Variants in SLC40A1 observed in about 807,000 individuals in gnomAD.
The protein encoded by SLC40A1 is solute carrier family 40 member 1.
Under a neutral mutation model 53.5 loss-of-function variants are expected in SLC40A1, and 16 were observed. The ratio of observed to expected loss-of-function variants is 0.30; its 90% CI spans 0.20 to 0.45. SLC40A1 has a LOEUF of 0.45. Among genes scored for constraint, SLC40A1 ranks in the 20% least tolerant of loss-of-function variants. The pLI is 1.00. For synonymous variants in SLC40A1, 247 were observed against 253.2 expected (o/e 0.98, Z 0.23); for missense variants, 545 against 695.4 (o/e 0.78, Z 2.43).
intron 1 of SLC40A1, among the ~76,000 whole-genome samples, 200 bp from the exon 2 acceptor site, chr2:189,580,080 C>T (rs1000691723): frequency 6.6e-6 from 1 of 152,110 alleles, no homozygotes; most frequent in African/African-American, 2.4e-5. Context: ...CAGTTATTGA[C>T]CTAGTCAATA....
intron 7 of SLC40A1, among the ~76,000 whole-genome samples, chr2:189,562,726 T>C (rs1321304533): frequency 6.6e-6 from 1 of 152,202 alleles, no homozygotes; most frequent in East Asian, 1.9e-4. Flanking sequence ...AATTCAGAGA[T>C]AATTCATCAG....
chr2:189,580,359 G>A, intron 1 of SLC40A1, 59 bp downstream of exon 1: 1 of 1,540,050 alleles, frequency 6.5e-7, no homozygotes, highest in Non-Finnish European at 9.0e-7. Context: ...GTGTAGAGTT[G>A]CTTGTCTCCA....
Position 189,571,904 on chromosome 2 carries a change from T to C in SLC40A1, c.388-63A>G, listed in dbSNP as rs558453558. 5.8e-6 allele frequency: 6 copies of C among 1,031,246 alleles called. No homozygotes were observed. In the South Asian group the frequency reaches 6.4e-5, roughly 11 times the overall value. 63.9% of individuals were successfully genotyped at this position (1,031,246 alleles called of 1,614,324 possible). ...GTTTACCACACTGTACATATGTCAC[T>C]AAACAAGGCAGTTTAAAATAGTCTT... On this transcript the variant is annotated intron_variant, in intron 4 of 7. Coordinates refer to ENST00000261024, the MANE Select transcript of SLC40A1 (RefSeq NM_014585.6).
chr2:189,566,964 C>T (rs1157662084), intron 5 of SLC40A1, among the ~76,000 whole-genome samples: 1 of 152,108 alleles, frequency 6.6e-6, no homozygotes, highest in Non-Finnish European at 1.5e-5. Flanking sequence ...GCATTTTTTT[C>T]CAGCCATGCT....
chr2:189,573,185 C>A (rs1244132446), intron 3 of SLC40A1, among the ~76,000 whole-genome samples: 1 of 152,176 alleles, frequency 6.6e-6, no homozygotes, highest in Non-Finnish European at 1.5e-5. Flanking sequence ...TGAAGTACCA[C>A]AAGTTTCTCT....
chr2:189,564,351 T>C (rs767082967), intron 6 of SLC40A1, 126 bp from the exon 7 acceptor site: 5 of 707,654 alleles, frequency 7.1e-6, no homozygotes, highest in Admixed American at 2.6e-5. Flanking sequence ...CATTGTAATA[T>C]GTATTTTCTT....
rs1187237266 is a variant in SLC40A1 at position 189,580,477 on chromosome 2, G to C, written c.-17C>G. 1 of 1,613,086 alleles carries C rather than the reference G, an allele frequency of 6.2e-7. No individual in the cohort carries two copies. The highest frequency in any genetic ancestry group is 1.7e-5 in the Admixed American group (1 of 60,016). On this transcript the variant is annotated 5_prime_UTR_variant, in exon 1 of 8. Transcript: ENST00000261024. Reference sequence around the variant, plus strand: ...CCTGGTCATGACACTAGGCGACCCCGCTGGCTCTTCTGCGGCTGCTATCGC... The same window carrying C: ...CCTGGTCATGACACTAGGCGACCCCCCTGGCTCTTCTGCGGCTGCTATCGC...
intron 2 of SLC40A1, 45 bp downstream of exon 2, chr2:189,579,768 A>G: frequency 6.5e-7 from 1 of 1,546,664 alleles, no homozygotes; most frequent in Non-Finnish European, 8.9e-7. Flanking sequence ...GAAAGGAAAT[A>G]AAAAATTGCG....
At chr2:189,576,599 G>T (rs560833479) in intron 2 of SLC40A1, among the ~76,000 whole-genome samples, 1 of 152,242 alleles carries the variant, frequency 6.6e-6, no homozygotes, top group African/African-American at 2.4e-5. Context: ...CAAGGGGGTG[G>T]AGCTGTTACT....
intron 5 of SLC40A1, 112 bp downstream of exon 5, chr2:189,571,603 A>T: frequency 2.6e-6 from 4 of 1,510,796 alleles, no homozygotes; most frequent in African/African-American, 1.4e-5. Context: ...TCAATTTATC[A>T]TTCTTAAAAA....
chr2:189,575,117 T>C (rs976978736), intron 3 of SLC40A1, 44 bp downstream of exon 3: 1 of 1,604,682 alleles, frequency 6.2e-7, no homozygotes. Context: ...AGCTCAGGCA[T>C]TGGTCCCATG....
At chr2:189,572,038 C>T (rs2031144893) in intron 4 of SLC40A1, among the ~76,000 whole-genome samples, 197 bp from the exon 5 acceptor site, 1 of 152,072 alleles carries the variant, frequency 6.6e-6, no homozygotes, top group African/African-American at 2.4e-5. Flanking sequence ...ATGTCCTAAC[C>T]TGTATCATCT....
chr2:189,578,635 T>C (rs1379809562), intron 2 of SLC40A1, among the ~76,000 whole-genome samples: 1 of 152,222 alleles, frequency 6.6e-6, no homozygotes, highest in African/African-American at 2.4e-5. Context: ...GAACAAACTA[T>C]TGCTTTTTAT....
chr2:189,572,985 G>T (rs1293945598), intron 3 of SLC40A1, 24 bp from the exon 4 acceptor site: 2 of 1,471,464 alleles, frequency 1.4e-6, no homozygotes, highest in Non-Finnish European at 1.9e-6. Flanking sequence ...GAGAGAAAGT[G>T]TACATTACAT....
chr2:189,577,293 T>C (rs1574246838), intron 2 of SLC40A1, among the ~76,000 whole-genome samples: 1 of 151,928 alleles, frequency 6.6e-6, no homozygotes, highest in Non-Finnish European at 1.5e-5. Flanking sequence ...GCACAAAAGG[T>C]TTTCATGCAG....
chr2:189,575,704 C>G (rs949627229), intron 2 of SLC40A1, among the ~76,000 whole-genome samples: 1 of 152,186 alleles, frequency 6.6e-6, no homozygotes, highest in Non-Finnish European at 1.5e-5. Flanking sequence ...AAGTAGTTTG[C>G]TATTGAACCA....
intron 5 of SLC40A1, among the ~76,000 whole-genome samples, chr2:189,569,451 C>T (rs2031053165): frequency 6.6e-6 from 1 of 152,196 alleles, no homozygotes; most frequent in African/African-American, 2.4e-5. Flanking sequence ...GACACAACCT[C>T]ATAGGAACCC....
At position 189,561,932 on chromosome 2, in the gene SLC40A1, A is replaced by C. The variant is rs1265749111; in HGVS notation, c.1662T>G (p.Gly554=). The stretch of plus-strand genomic sequence containing the variant: ...CCTTCCTAACTTCTTTTGCATCAGG[A>C]CCGCAAGCAAAGAGCTTGTTTCCCA... ...NTLGNKLFAC[G]PDAKEVRKEN... The change falls in exon 8 of 8, where the codon GGT becomes GGG. Residue 554 remains glycine, a synonymous_variant. Transcript: ENST00000261024. The C allele has an allele frequency of 6.2e-7, 1 of 1,614,038 alleles. No individual in the cohort carries two copies. The highest frequency in any genetic ancestry group is 1.7e-5 in the Admixed American group (1 of 60,006).
rs1240731829 is a variant in SLC40A1, at chr2:189,570,045, C to CACACCTATATATGTATGTATATATATAT, written c.514+1669_514+1670insATATATATATACATACATATATAGGTGT. On this transcript the variant is annotated intron_variant, in intron 5 of 7. Coordinates refer to ENST00000261024, the MANE Select transcript of SLC40A1 (RefSeq NM_014585.6). Reference sequence around the variant, plus strand: ...CTATATATGTATGTATATATATATACACACACCTATATATGTATGTATATA... The same window carrying CACACCTATATATGTATGTATATATATAT: ...CTATATATGTATGTATATATATATACACACCTATATATGTATGTATATATATATACACACCTATATATGTATGTATATA... 2.2e-4 allele frequency among the ~76,000 whole-genome samples: 29 copies of CACACCTATATATGTATGTATATATATAT among 132,292 alleles called. 3 individuals are homozygous for CACACCTATATATGTATGTATATATATAT. The highest frequency in any genetic ancestry group is 5.0e-4 in the Admixed American group (7 of 13,868). 86.8% of individuals were successfully genotyped at this position (132,292 alleles called of 152,430 possible). A position where few individuals can be genotyped will look rare whatever the true frequency, so the allele number is the denominator to read the frequency against.
Sources: allele counts gnomAD v4.1 joint callset (sites outside exome capture counted in the v4.1 genomes callset), GRCh38; gene constraint gnomAD v4.1.1; transcripts MANE v1.5; gene names NCBI Gene and HGNC (gene_info 2026-07-23, HGNC 2026-07-21).